Variants in C1QTNF8 observed in about 807,000 individuals in gnomAD.
The protein encoded by C1QTNF8 is complement C1q tumor necrosis factor-related protein 8.
Under a neutral mutation model 19.2 loss-of-function variants are expected in C1QTNF8, and 27 were observed. The ratio of observed to expected loss-of-function variants is 1.41; its 90% CI spans 1.04 to 1.94. The LOEUF is 1.94. Among genes scored for constraint, C1QTNF8 ranks in the 30% most tolerant of loss-of-function variants. The pLI is 0.00. For synonymous variants in C1QTNF8, 208 were observed against 172.8 expected, an observed-to-expected ratio of 1.20 and a Z score of -1.60; for missense variants, 484 against 374.4, an observed-to-expected ratio of 1.29 and a Z score of -2.42.
intron 1 of C1QTNF8, among the ~76,000 whole-genome samples, 170 bp downstream of exon 1, chr16:1,095,986 C>T (rs893749365): frequency 1.3e-4 from 20 of 152,186 alleles, no homozygotes; most frequent in Admixed American, 9.8e-4. Context: ...GGAGCCCCCA[C>T]GGAGTTCCCG....
Position 1,093,940 on chromosome 16 carries a change from G to T in C1QTNF8, c.320C>A (p.Pro107Gln). 6.7e-7 allele frequency: 1 copy of T among 1,499,308 alleles called. No homozygotes were observed. The allele number at this position is 1,499,308 out of a possible 1,614,324, so 92.9% of individuals were successfully genotyped here. A position where few individuals can be genotyped will look rare whatever the true frequency, so the allele number is the denominator to read the frequency against. ...GRRGQKGQVG[P>Q]PGAACRRAYA... ...GGCACGTCGGCACGCGGCGCCCGGCGGCCCCACCTGCCCCTTCTGGCCTCT... is the reference window on the plus strand; with the variant it reads ...GGCACGTCGGCACGCGGCGCCCGGCTGCCCCACCTGCCCCTTCTGGCCTCT... The change falls in exon 4 of 5, where the codon CCG becomes CAG. Residue 107 changes from proline to glutamine, a missense_variant. Physicochemically the swap from Pro to Gln is moderately conservative, Grantham distance 76. Transcript: ENST00000328449.
Position 1,093,790 on chromosome 16 carries a change from A to C in C1QTNF8, c.470T>G (p.Leu157Arg). Residue 157 changes from leucine to arginine, a missense_variant, in exon 4 of 5, where the codon CTC becomes CGC. Transcript: ENST00000328449. Reference sequence around the variant, plus strand: ...GAAGTAGACGCCGGGCACCGTGCAGAGGAAGCGGCCCGCGGCCAGGTCGAA... The same window carrying C: ...GAAGTAGACGCCGGGCACCGTGCAGCGGAAGCGGCCCGCGGCCAGGTCGAA... ...GAFDLAAGRF[L>R]CTVPGVYFLS... is the part of the protein sequence containing the mutation. 6.2e-7 allele frequency: 1 copy of C among 1,611,872 alleles called. No individual in the cohort carries two copies. The highest frequency in any genetic ancestry group is 8.5e-7 in the Non-Finnish European group (1 of 1,179,656).
rs1960503100 is a variant in C1QTNF8, at chr16:1,089,659, C to T, written c.*940G>A. Among the ~76,000 whole-genome samples the T allele has an allele frequency of 6.6e-6, 1 of 152,160 alleles. No individual in the cohort carries two copies. The highest frequency in any genetic ancestry group is 6.5e-5 in the Admixed American group (1 of 15,286). On this transcript the variant is annotated 3_prime_UTR_variant, in exon 5 of 5. Coordinates refer to ENST00000328449, the MANE Select transcript of C1QTNF8 (RefSeq NM_207419.3). ...AACGGGCTGAGTGAGCACAAGGCTCCCCAGAGTGCTGACCAGGCGCCCTGC... is the reference window on the plus strand; with the variant it reads ...AACGGGCTGAGTGAGCACAAGGCTCTCCAGAGTGCTGACCAGGCGCCCTGC...
intron 4 of C1QTNF8, among the ~76,000 whole-genome samples, 185 bp downstream of exon 4, chr16:1,093,312 C>A (rs975438247): frequency 3.2e-4 from 45 of 138,678 alleles, no homozygotes; most frequent in Non-Finnish European, 3.5e-4. Flanking sequence ...TCAACCAATC[C>A]CTGCACACAG....
Position 1,093,510 on chromosome 16 carries a change from G to T in C1QTNF8, c.750C>A (p.Ala250=). 6.5e-7 allele frequency: 1 copy of T among 1,530,998 alleles called. No individual in the cohort carries two copies. The highest frequency in any genetic ancestry group is 2.4e-5 in the East Asian group (1 of 42,184). 94.8% of individuals were successfully genotyped at this position (1,530,998 alleles called of 1,614,324 possible). A position where few individuals can be genotyped will look rare whatever the true frequency, so the allele number is the denominator to read the frequency against. The change falls in exon 4 of 5, where the codon GCC becomes GCA. Residue 250 remains alanine, a synonymous_variant. Transcript: ENST00000328449. ...GGGGCCCCTCACCCGGCTACAGCTC[G>T]GCGGCCGGCTTGACCAGGTGGCCGC... ...TFSGHLVKPA[A]EL is the part of the protein sequence containing the mutation.
Position 1,095,011 on chromosome 16 carries a change from C to T in C1QTNF8, c.-11-78G>A, listed in dbSNP as rs542265707. 48 of 596,136 alleles carry T rather than the reference C, an allele frequency of 8.1e-5. 1 individual carries two copies. The highest frequency in any genetic ancestry group is 7.9e-4 in the African/African-American group (41 of 52,084). 36.9% of individuals were successfully genotyped at this position (596,136 alleles called of 1,614,324 possible). A position where few individuals can be genotyped will look rare whatever the true frequency, so the allele number is the denominator to read the frequency against. On this transcript the variant is annotated intron_variant, in intron 2 of 4. Transcript: ENST00000328449. ...CCCCCAGACCCTACGGCAGCCCGGC[C>T]CTGCCCCCGTTGGGAATACAGCCAG...
rs532398662 is a variant in C1QTNF8 at position 1,089,488 on chromosome 16, C to A, written c.*1111G>T. The stretch of plus-strand genomic sequence containing the variant: ...GGCCCCTCACAGCTGCTCTGGGGTC[C>A]CCGACAGAGGCCTTTGCGCACCCCC... On this transcript the variant is annotated 3_prime_UTR_variant, in exon 5 of 5. Coordinates refer to ENST00000328449, the MANE Select transcript of C1QTNF8 (RefSeq NM_207419.3). Among the ~76,000 whole-genome samples the A allele has an allele frequency of 7.9e-5, 12 of 152,294 alleles. No individual in the cohort carries two copies. The highest frequency in any genetic ancestry group is 2.6e-4 in the African/African-American group (11 of 41,572).
chr16:1,089,444 T>G lies in C1QTNF8; in HGVS notation c.*1155A>C, dbSNP rs924514753. On this transcript the variant is annotated 3_prime_UTR_variant, in exon 5 of 5. Transcript: ENST00000328449. The stretch of plus-strand genomic sequence containing the variant: ...GGGCTCGGCTCTGGGCAGTGCCCAC[T>G]TGGGACCTGCAAGCCCAGGGCCCCT... 2.1e-4 allele frequency among the ~76,000 whole-genome samples: 32 copies of G among 152,244 alleles called. No individual in the cohort carries two copies. The highest frequency in any genetic ancestry group is 7.5e-4 in the African/African-American group (31 of 41,554).
rs1216568708 is a variant in C1QTNF8 at position 1,089,567 on chromosome 16, T to C, written c.*1032A>G. ...AGAGCTGGCAGGGACACGGGCTCTG[T>C]GTGGGGTGGGCGGGACGTGGCTGCA... On this transcript the variant is annotated 3_prime_UTR_variant, in exon 5 of 5. Coordinates refer to ENST00000328449, the MANE Select transcript of C1QTNF8 (RefSeq NM_207419.3). Among the ~76,000 whole-genome samples, 1 of 152,110 alleles carries C rather than the reference T, an allele frequency of 6.6e-6. No homozygotes were observed. The highest frequency in any genetic ancestry group is 1.5e-5 in the Non-Finnish European group (1 of 67,992).
Position 1,089,406 on chromosome 16 carries a change from G to A in C1QTNF8, c.*1193C>T, listed in dbSNP as rs371649944. Among the ~76,000 whole-genome samples, 1 of 152,200 alleles carries A rather than the reference G, an allele frequency of 6.6e-6. No individual in the cohort carries two copies. Among genetic ancestry groups the A allele is most frequent in the East Asian group, 1.9e-4 (1 of 5,182 alleles). On this transcript the variant is annotated 3_prime_UTR_variant, in exon 5 of 5. Coordinates refer to ENST00000328449, the MANE Select transcript of C1QTNF8 (RefSeq NM_207419.3). The stretch of plus-strand genomic sequence containing the variant: ...TGGAGCCGTGCAGCTGTCCTCCGGG[G>A]CCTGGACACCAAGGGCTCGGCTCTG...
chr16:1,089,954 C>G lies in C1QTNF8; in HGVS notation c.*645G>C, dbSNP rs2745125. 0.18 allele frequency: 28,000 copies of G among 152,398 alleles called. 6,560 individuals carry two copies. Among genetic ancestry groups the G allele is most frequent in the African/African-American group, 0.55 (22,852 of 41,510 alleles). 9.4% of individuals were successfully genotyped at this position (152,398 alleles called of 1,614,324 possible). A position where few individuals can be genotyped will look rare whatever the true frequency, so the allele number is the denominator to read the frequency against. ...TGTGTCCCGCTATCCCAGCCAGGAG[C>G]AGACTCAGGCCCTGGGCCAAAGTGC... On this transcript the variant is annotated 3_prime_UTR_variant, in exon 5 of 5. Transcript: ENST00000328449.
rs1960520533 is a variant in C1QTNF8, at chr16:1,090,380, C to T, written c.*219G>A. ...ATGGCGGGCCCCTGTAGCCGCCCCT[C>T]CTCCTGTCCTGCGCTGTTGGGGGCC... On this transcript the variant is annotated 3_prime_UTR_variant, in exon 5 of 5. Transcript: ENST00000328449. 1 of 152,352 alleles carries T rather than the reference C, an allele frequency of 6.6e-6. No individual in the cohort carries two copies. The highest frequency in any genetic ancestry group is 2.4e-5 in the African/African-American group (1 of 41,454). 9.4% of individuals were successfully genotyped at this position (152,352 alleles called of 1,614,324 possible). A position where few individuals can be genotyped will look rare whatever the true frequency, so the allele number is the denominator to read the frequency against.
chr16:1,093,228 A>C (rs865968233), intron 4 of C1QTNF8, among the ~76,000 whole-genome samples: 24 of 97,290 alleles, frequency 2.5e-4, no homozygotes, highest in African/African-American at 7.2e-4. Flanking sequence ...TCAACCAATC[A>C]CAGCACACAG....
chr16:1,094,075 C>CGGGTCG, intron 3 of C1QTNF8, 24 bp from the exon 4 acceptor site: 1 of 1,413,146 alleles, frequency 7.1e-7, no homozygotes, highest in South Asian at 1.6e-5. Context: ...ACGAAAGCCA[C>CGGGTCG]GGGTCGGGGC....
chr16:1,095,127 G>A (rs933404659), intron 2 of C1QTNF8, among the ~76,000 whole-genome samples, 194 bp from the exon 3 acceptor site: 2 of 152,218 alleles, frequency 1.3e-5, no homozygotes, highest in Admixed American at 1.3e-4. Context: ...ACTCTGGGCC[G>A]CACCAGGCAC....
In C1QTNF8 at chr16:1,093,977, G is replaced by C. The variant is rs1567393436; in HGVS notation, c.283C>G (p.Leu95Val). ...CCCTTCTGGCCTCTGCGGCCCTGCA[G>C]GCCCCGGGCGCCTGGCGGCCCCTCT... is the stretch of plus-strand genomic sequence containing the variant. Reference protein sequence around the residue: ...GKEGPPGARGLQGRRGQKGQV... With the variant: ...GKEGPPGARGVQGRRGQKGQV... Residue 95 changes from leucine to valine, a missense_variant, in exon 4 of 5, where the codon CTG becomes GTG. Coordinates refer to ENST00000328449, the MANE Select transcript of C1QTNF8 (RefSeq NM_207419.3). 1 of 1,466,474 alleles carries C rather than the reference G, an allele frequency of 6.8e-7. No homozygotes were observed. Among genetic ancestry groups the C allele is most frequent in the Non-Finnish European group, 8.9e-7 (1 of 1,124,688 alleles). The allele number at this position is 1,466,474 out of a possible 1,614,324, so 90.8% of individuals were successfully genotyped here.
At chr16:1,093,456 A>G (rs753741806) in intron 4 of C1QTNF8, 41 bp downstream of exon 4, 11,773 of 1,158,398 alleles carry the variant, frequency 0.01, 518 homozygotes, top group African/African-American at 0.093. Context: ...ACACACACAC[A>G]CGCGCGCGCG....
upstream of C1QTNF8, chr16:1,096,288 G>T (rs967893232): frequency 6.6e-6 from 1 of 152,234 alleles, no homozygotes; most frequent in Non-Finnish European, 1.5e-5. Flanking sequence ...GCCGAGCCCT[G>T]GACAGGATCC....
In C1QTNF8 at chr16:1,094,710, C is replaced by T; in HGVS notation, c.208+5G>A. On this transcript the variant is annotated splice_donor_5th_base_variant and intron_variant, in intron 3 of 4. Transcript: ENST00000328449. ...GAGCATGCAGGCAGCACCCACGGGC[C>T]TCACCTTTGAGGATTTCGATGTCTA... 1 of 1,594,630 alleles carries T rather than the reference C, an allele frequency of 6.3e-7. No individual in the cohort carries two copies. Among genetic ancestry groups the T allele is most frequent in the Non-Finnish European group, 8.5e-7 (1 of 1,171,238 alleles).
Sources: allele counts gnomAD v4.1 joint callset (sites outside exome capture counted in the v4.1 genomes callset), GRCh38; gene constraint gnomAD v4.1.1; transcripts MANE v1.5; gene names NCBI Gene and HGNC (gene_info 2026-07-23, HGNC 2026-07-21).